Variants in THRB observed in about 807,000 individuals in gnomAD.
THRB encodes thyroid hormone receptor beta, also known as nuclear receptor subfamily 1 group A member 2.
THRB carries 12 observed loss-of-function variants against 47.8 expected under a neutral mutation model. The ratio of observed to expected loss-of-function variants is 0.25; its 90% CI spans 0.16 to 0.41. THRB has a LOEUF of 0.41. Among genes scored for constraint, THRB ranks in the 10% least tolerant of loss-of-function variants. THRB has a pLI of 1.00. For synonymous variants in THRB, 218 were observed against 212.2 expected (o/e 1.03, Z -0.24); for missense variants, 348 against 589.2 (o/e 0.59, Z 4.24).
chr3:24,461,652 C>A (rs1256572058), intron 1 of THRB, among the ~76,000 whole-genome samples: 3 of 152,182 alleles, frequency 2.0e-5, no homozygotes, highest in South Asian at 2.1e-4. Flanking sequence ...AACTATAAGC[C>A]AACTAATCTA....
intron 1 of THRB, among the ~76,000 whole-genome samples, chr3:24,385,808 C>T (rs2066053720): frequency 6.6e-6 from 1 of 152,082 alleles, no homozygotes; most frequent in Non-Finnish European, 1.5e-5. Flanking sequence ...TAGAAAATTT[C>T]CAGATAAATC....
chr3:24,207,330 G>A (rs1055221711), intron 4 of THRB, among the ~76,000 whole-genome samples: 1 of 152,124 alleles, frequency 6.6e-6, no homozygotes, highest in Non-Finnish European at 1.5e-5. Flanking sequence ...GGGATGCAAG[G>A]CTGGTTCAAC....
intron 2 of THRB, among the ~76,000 whole-genome samples, chr3:24,298,332 C>T (rs1029349829): frequency 3.9e-5 from 6 of 152,208 alleles, no homozygotes; most frequent in East Asian, 1.9e-4. Context: ...GTACTATCCA[C>T]GCCCCATGGG....
intron 4 of THRB, among the ~76,000 whole-genome samples, chr3:24,227,699 A>G (rs1471393965): frequency 6.6e-6 from 1 of 152,188 alleles, no homozygotes; most frequent in African/African-American, 2.4e-5. Flanking sequence ...TCAGTTTCTC[A>G]GGTCTACTGG....
intron 5 of THRB, among the ~76,000 whole-genome samples, chr3:24,176,440 G>GA (rs1448618070): frequency 6.6e-6 from 1 of 152,044 alleles, no homozygotes; most frequent in Non-Finnish European, 1.5e-5. Flanking sequence ...CTAATAATAG[G>GA]AATAATGAAT....
At chr3:24,367,209 A>G (rs977252365) in intron 1 of THRB, among the ~76,000 whole-genome samples, 2 of 152,214 alleles carry the variant, frequency 1.3e-5, no homozygotes, top group Non-Finnish European at 2.9e-5. Context: ...GTAGGGACAG[A>G]GGTCAACGAA....
At chr3:24,392,212 T>G (rs2066629972) in intron 1 of THRB, among the ~76,000 whole-genome samples, 1 of 152,168 alleles carries the variant, frequency 6.6e-6, no homozygotes, top group South Asian at 2.1e-4. Flanking sequence ...TGGCTATTTT[T>G]TTCCCAGATG....
Position 24,117,672 on chromosome 3 carries a change from G to A in THRB, c.*5212C>T, listed in dbSNP as rs1405271756. On this transcript the variant is annotated 3_prime_UTR_variant, in exon 11 of 11. Transcript: ENST00000646209. ...TAAGTCTACATGAATGACAAAAAAAGGAGCTTCCTGAGAATACTGAGTAAG... is the reference window on the plus strand; with the variant it reads ...TAAGTCTACATGAATGACAAAAAAAAGAGCTTCCTGAGAATACTGAGTAAG... The A allele has an allele frequency of 2.0e-5, 3 of 152,244 alleles. No individual in the cohort carries two copies. The highest frequency in any genetic ancestry group is 4.4e-5 in the Non-Finnish European group (3 of 68,050). 9.4% of individuals were successfully genotyped at this position (152,244 alleles called of 1,614,324 possible).
At chr3:24,196,757 C>G (rs1449646756) in intron 4 of THRB, among the ~76,000 whole-genome samples, 1 of 151,778 alleles carries the variant, frequency 6.6e-6, no homozygotes, top group Non-Finnish European at 1.5e-5. Context: ...TTCCTAGATT[C>G]TGTGCAAGGC....
At chr3:24,402,071 T>C (rs1263979718) in intron 1 of THRB, among the ~76,000 whole-genome samples, 1 of 151,968 alleles carries the variant, frequency 6.6e-6, no homozygotes, top group Non-Finnish European at 1.5e-5. Flanking sequence ...GAGAAGAAAG[T>C]AAAGTCTGGG....
At chr3:24,388,914 T>C (rs2066341334) in intron 1 of THRB, among the ~76,000 whole-genome samples, 1 of 152,174 alleles carries the variant, frequency 6.6e-6, no homozygotes, top group Non-Finnish European at 1.5e-5. Context: ...AGCTCTACCC[T>C]AGCAGATGCT....
At chr3:24,264,688 T>C (rs1505291) in intron 3 of THRB, among the ~76,000 whole-genome samples, 2,371 of 152,240 alleles carry the variant, frequency 0.016, 67 homozygotes, top group African/African-American at 0.053. Flanking sequence ...GTTATTCTTG[T>C]TCCAGGTAGA....
At position 24,122,054 on chromosome 3, in the gene THRB, T is replaced by C. The variant is rs1212754281; in HGVS notation, c.*830A>G. The stretch of plus-strand genomic sequence containing the variant: ...CAGAAAAGGGGTGCCACCCTGTAAA[T>C]AGGTTTGATTTCTGTAAAAGTGTTC... On this transcript the variant is annotated 3_prime_UTR_variant, in exon 11 of 11. Transcript: ENST00000646209. The C allele has an allele frequency of 6.6e-6, 1 of 152,590 alleles. No individual in the cohort carries two copies. Among genetic ancestry groups the C allele is most frequent in the Admixed American group, 6.5e-5 (1 of 15,278 alleles). The allele number at this position is 152,590 out of a possible 1,614,324, so 9.5% of individuals were successfully genotyped here.
intron 5 of THRB, among the ~76,000 whole-genome samples, chr3:24,183,368 C>CTTTTTTTTTTTTTTTTTTTTT (rs1193344905): frequency 2.4e-5 from 2 of 84,272 alleles, no homozygotes; most frequent in Non-Finnish European, 5.1e-5. Context: ...TTTTTCTTTT[C>CTTTTTTTTTTTTTTTTTTTTT]TTTTTTTTTT....
At chr3:24,181,268 G>T (rs751475244) in intron 5 of THRB, among the ~76,000 whole-genome samples, 2 of 152,128 alleles carry the variant, frequency 1.3e-5, no homozygotes, top group East Asian at 3.8e-4. Context: ...ATATTGGAGG[G>T]CCACTTTAAA....
intron 1 of THRB, among the ~76,000 whole-genome samples, chr3:24,386,242 G>A (rs2066093543): frequency 6.6e-6 from 1 of 151,930 alleles, no homozygotes. Context: ...AAAAACCCGA[G>A]CCAAGGCAAC....
At chr3:24,168,744 A>G (rs2040019672) in intron 5 of THRB, among the ~76,000 whole-genome samples, 1 of 151,396 alleles carries the variant, frequency 6.6e-6, no homozygotes. Flanking sequence ...GTTCTTAGCA[A>G]TTTACCCTCC....
chr3:24,269,403 GCACACA>G (rs200586026), intron 3 of THRB, among the ~76,000 whole-genome samples: 2,025 of 72,496 alleles, frequency 0.028, 47 homozygotes, highest in African/African-American at 0.062. Context: ...GCGCGCGCGC[GCACACA>G]CACACACACA....
intron 1 of THRB, among the ~76,000 whole-genome samples, chr3:24,435,998 C>A (rs1167677280): frequency 1.3e-5 from 2 of 151,970 alleles, no homozygotes; most frequent in Admixed American, 1.3e-4. Context: ...TCAGAGCAGT[C>A]GTGGGAGAAA....
Sources: gnomAD v4.1 joint callset for allele counts (sites outside exome capture counted in the v4.1 genomes callset) on GRCh38, gnomAD v4.1.1 for gene constraint, MANE v1.5 for transcripts, NCBI Gene and HGNC (gene_info 2026-07-23, HGNC 2026-07-21) for gene names.